The following POLR2B variants were observed in gnomAD, a reference collection of about 807,000 sequenced individuals.
POLR2B encodes the protein RNA polymerase II subunit B.
Under a neutral mutation model 144.6 loss-of-function variants are expected in POLR2B, and 57 were observed. That is an observed-to-expected ratio of 0.39 (90% CI 0.32 to 0.49). The LOEUF (loss-of-function observed/expected upper bound fraction) is 0.49, where lower values mean the gene tolerates loss of function less well. Among genes scored for constraint, POLR2B ranks in the 20% least tolerant of loss-of-function variants. The pLI is 0.83. For synonymous variants in POLR2B, 442 were observed against 469.8 expected (o/e 0.94, Z 0.77); for missense variants, 595 against 1,467.4 (o/e 0.41, Z 9.71).
Position 56,978,932 on chromosome 4 carries a change from G to T in POLR2B, c.-54G>T. ...AGCTCCTGGCGCTGCTGGCTTCTGGGCGGTTTTTGTCTTTTGATTTCAAGA... is the reference window on the plus strand; with the variant it reads ...AGCTCCTGGCGCTGCTGGCTTCTGGTCGGTTTTTGTCTTTTGATTTCAAGA... On this transcript the variant is annotated 5_prime_UTR_variant, in exon 1 of 25. Coordinates refer to ENST00000314595, the MANE Select transcript of POLR2B (RefSeq NM_000938.3). 6.3e-7 allele frequency: 1 copy of T among 1,577,120 alleles called. No homozygotes were observed.
intron 6 of POLR2B, among the ~76,000 whole-genome samples, chr4:56,998,929 T>C (rs1212589380): frequency 6.6e-6 from 1 of 152,136 alleles, no homozygotes; most frequent in East Asian, 1.9e-4. Context: ...TATAGTAATG[T>C]AGGGTTATGA....
intron 7 of POLR2B, among the ~76,000 whole-genome samples, chr4:57,004,158 C>T (rs1226853502): frequency 6.6e-6 from 1 of 150,986 alleles, no homozygotes; most frequent in African/African-American, 2.4e-5. Flanking sequence ...TCCCAAGTAG[C>T]TGGGACTGCA....
intron 3 of POLR2B, among the ~76,000 whole-genome samples, chr4:56,993,296 C>G (rs1722579358): frequency 6.6e-6 from 1 of 152,084 alleles, no homozygotes; most frequent in Admixed American, 6.5e-5. Context: ...GAGTGAGACC[C>G]TGTCTCAAAC....
chr4:57,025,582 A>T, intron 23 of POLR2B, 45 bp downstream of exon 23: 1 of 1,346,804 alleles, frequency 7.4e-7, no homozygotes, highest in Non-Finnish European at 1.1e-6. Context: ...ACCTTATATT[A>T]TGAAAAATGT....
chr4:57,027,496 C>T (rs1723761379), intron 23 of POLR2B, among the ~76,000 whole-genome samples: 1 of 152,046 alleles, frequency 6.6e-6, no homozygotes. Flanking sequence ...TTAGTAGAGA[C>T]AGGGTTTTGC....
chr4:57,015,621 T>C lies in POLR2B; in HGVS notation c.1920T>C (p.Ile640=), dbSNP rs1723341692. 6.7e-7 allele frequency: 1 copy of C among 1,494,516 alleles called. No homozygotes were observed. The highest frequency in any genetic ancestry group is 9.0e-7 in the Non-Finnish European group (1 of 1,109,670). The allele number at this position is 1,494,516 out of a possible 1,614,324, so 92.6% of individuals were successfully genotyped here. A position where few individuals can be genotyped will look rare whatever the true frequency, so the allele number is the denominator to read the frequency against. The stretch of plus-strand genomic sequence containing the variant: ...AGCTACTTTTGAAGAAGAGGCATAT[T>C]GACCAATTGAAAGAGAGAGAATATA... ...KQKLLLKKRH[I]DQLKEREYNN... The change falls in exon 14 of 25, where the codon ATT becomes ATC. Residue 640 remains isoleucine, a synonymous_variant. Transcript: ENST00000314595.
chr4:56,999,327 A>G (rs572662784), intron 6 of POLR2B, among the ~76,000 whole-genome samples: 1 of 151,802 alleles, frequency 6.6e-6, no homozygotes, highest in South Asian at 2.1e-4. Context: ...TTTGCAGCCA[A>G]AAGTGATTTC....
At chr4:56,996,127 T>A (rs1456681561) in intron 6 of POLR2B, among the ~76,000 whole-genome samples, 6 of 151,648 alleles carry the variant, frequency 4.0e-5, no homozygotes, top group Non-Finnish European at 4.4e-5. Flanking sequence ...TTCTTAAATA[T>A]TTGCTGTATG....
chr4:56,999,745 T>C lies in POLR2B; in HGVS notation c.864T>C (p.Ile288=). The C allele has an allele frequency of 6.2e-7, 1 of 1,610,734 alleles. No homozygotes were observed. Among genetic ancestry groups the C allele is most frequent in the Non-Finnish European group, 8.5e-7 (1 of 1,177,488 alleles). Residue 288 remains isoleucine, a synonymous_variant, in exon 7 of 25, where the codon ATT becomes ATC. Transcript: ENST00000314595. ...FVSDRDILEH[I]IYDFEDPEMM... is the part of the protein sequence containing the mutation. Reference sequence around the variant, plus strand: ...CCGACAGAGATATTTTAGAACATATTATTTATGATTTTGAAGATCCAGAGA... The same window carrying C: ...CCGACAGAGATATTTTAGAACATATCATTTATGATTTTGAAGATCCAGAGA...
intron 9 of POLR2B, among the ~76,000 whole-genome samples, chr4:57,006,314 T>C (rs1335528129): frequency 6.6e-6 from 1 of 152,220 alleles, no homozygotes; most frequent in Non-Finnish European, 1.5e-5. Context: ...TTAACATTTT[T>C]GTTTATTGAG....
intron 23 of POLR2B, 28 bp from the exon 24 acceptor site, chr4:57,030,176 C>G: frequency 6.4e-7 from 1 of 1,573,796 alleles, no homozygotes; most frequent in Non-Finnish European, 8.7e-7. Context: ...AAAATAAGTA[C>G]AAAGTAATAA....
chr4:56,979,896 CA>C (rs61576956), intron 1 of POLR2B, among the ~76,000 whole-genome samples: 14,855 of 137,134 alleles, frequency 0.11, 976 homozygotes, highest in African/African-American at 0.2. Context: ...TAGACTGTCT[CA>C]AAAAAAAAAA....
chr4:57,012,654 T>A (rs550543468), intron 13 of POLR2B, among the ~76,000 whole-genome samples: 15 of 145,894 alleles, frequency 1.0e-4, no homozygotes, highest in Non-Finnish European at 1.2e-4. Context: ...AGACCCTGAG[T>A]GTTTTTTTGT....
chr4:57,014,897 T>G (rs1723318156), intron 13 of POLR2B, among the ~76,000 whole-genome samples: 1 of 152,194 alleles, frequency 6.6e-6, no homozygotes, highest in Non-Finnish European at 1.5e-5. Flanking sequence ...TTTACGTTCT[T>G]TTTTTTCTGG....
At chr4:57,003,050 G>A (rs1035437241) in intron 7 of POLR2B, among the ~76,000 whole-genome samples, 1 of 152,198 alleles carries the variant, frequency 6.6e-6, no homozygotes, top group African/African-American at 2.4e-5. Flanking sequence ...TAACCCTTTT[G>A]TAGATGAGGA....
chr4:57,018,862 C>T (rs948455651), intron 16 of POLR2B, among the ~76,000 whole-genome samples: 2 of 152,066 alleles, frequency 1.3e-5, no homozygotes, highest in African/African-American at 2.4e-5. Flanking sequence ...AGGAGATTCT[C>T]AGGGAGACTG....
intron 10 of POLR2B, among the ~76,000 whole-genome samples, chr4:57,007,898 CTGAT>C (rs1553910984): frequency 3.9e-5 from 6 of 152,190 alleles, no homozygotes; most frequent in Non-Finnish European, 8.8e-5. Flanking sequence ...CCAGTATCAC[CTGAT>C]TGATTTGGCA....
chr4:56,985,402 A>G (rs748001779), intron 1 of POLR2B: 10 of 984,900 alleles, frequency 1.0e-5, no homozygotes, highest in Non-Finnish European at 1.2e-5. Context: ...TGCTGTGGCG[A>G]GGCGGGGATG....
chr4:57,006,055 A>G (rs1723009471), intron 9 of POLR2B, among the ~76,000 whole-genome samples: 1 of 152,216 alleles, frequency 6.6e-6, no homozygotes, highest in Non-Finnish European at 1.5e-5. Context: ...CTGGAGATAA[A>G]TATATAAAAA....
Sources: allele counts gnomAD v4.1 joint callset (sites outside exome capture counted in the v4.1 genomes callset), GRCh38; gene constraint gnomAD v4.1.1; transcripts MANE v1.5; gene names NCBI Gene and HGNC (gene_info 2026-07-23, HGNC 2026-07-21).